Variants in ATXN2 observed in about 807,000 individuals in gnomAD.
The protein encoded by ATXN2 is ataxin 2.
Under a neutral mutation model 138.6 loss-of-function variants are expected in ATXN2, and 37 were observed. That is an observed-to-expected ratio of 0.27 (90% CI 0.21 to 0.35). The LOEUF (loss-of-function observed/expected upper bound fraction) is 0.35, where lower values mean the gene tolerates loss of function less well. ATXN2 is among the 10% of genes least tolerant of loss of function. ATXN2 has a pLI of 1.00. For synonymous variants in ATXN2, 549 were observed against 543.7 expected, an observed-to-expected ratio of 1.01 and a Z score of -0.13; for missense variants, 1,216 against 1,480.3, an observed-to-expected ratio of 0.82 and a Z score of 2.93.
At chr12:111,504,631 A>C (rs1460797414) in intron 14 of ATXN2, among the ~76,000 whole-genome samples, 1 of 152,144 alleles carries the variant, frequency 6.6e-6, no homozygotes, top group Non-Finnish European at 1.5e-5. Context: ...GGGACAACTA[A>C]TACCTACATA....
At chr12:111,588,300 T>C (rs1884448281) in intron 1 of ATXN2, among the ~76,000 whole-genome samples, 1 of 152,154 alleles carries the variant, frequency 6.6e-6, no homozygotes. Flanking sequence ...AATCTTTAAA[T>C]GTTAATGAGA....
chr12:111,532,423 T>C (rs747727939), intron 5 of ATXN2, among the ~76,000 whole-genome samples: 2 of 152,144 alleles, frequency 1.3e-5, no homozygotes, highest in Non-Finnish European at 2.9e-5. Flanking sequence ...GAGGTTGCAA[T>C]GGGCTGAGAC....
At chr12:111,470,077 C>T in intron 20 of ATXN2, 31 bp downstream of exon 20, 1 of 1,607,042 alleles carries the variant, frequency 6.2e-7, no homozygotes, top group Non-Finnish European at 8.5e-7. Context: ...GAGTCACACA[C>T]ACTGGAAGAG....
At chr12:111,455,635 G>A (rs1875026152) in intron 23 of ATXN2, 6 of 324,244 alleles carry the variant, frequency 1.9e-5, no homozygotes, top group South Asian at 1.6e-4. Flanking sequence ...TCGGAGAGCT[G>A]AGACTCTGTG....
intron 1 of ATXN2, among the ~76,000 whole-genome samples, chr12:111,592,354 G>T (rs1274924267): frequency 6.6e-6 from 1 of 152,026 alleles, no homozygotes; most frequent in African/African-American, 2.4e-5. Context: ...TCACGCCACT[G>T]CACTCCAGCC....
At chr12:111,568,090 C>G (rs1345800982) in intron 1 of ATXN2, among the ~76,000 whole-genome samples, 1 of 151,694 alleles carries the variant, frequency 6.6e-6, no homozygotes, top group East Asian at 1.9e-4. Context: ...GTGAAATCCC[C>G]TCTCAAATAA....
At chr12:111,570,468 CTG>C (rs1405892736) in intron 1 of ATXN2, among the ~76,000 whole-genome samples, 3 of 152,224 alleles carry the variant, frequency 2.0e-5, no homozygotes, top group Non-Finnish European at 2.9e-5. Context: ...CATTTTCTAA[CTG>C]AAACATATTC....
At chr12:111,535,394 G>A (rs969277659) in intron 5 of ATXN2, among the ~76,000 whole-genome samples, 1 of 152,072 alleles carries the variant, frequency 6.6e-6, no homozygotes, top group Admixed American at 6.6e-5. Context: ...GGAGCCCAAG[G>A]CAGGTGGATC....
chr12:111,487,295 C>G (rs1471231331), intron 15 of ATXN2, among the ~76,000 whole-genome samples: 2 of 151,826 alleles, frequency 1.3e-5, no homozygotes, highest in African/African-American at 4.8e-5. Context: ...CCATTTTGGC[C>G]ACGCTGACCT....
Position 111,453,873 on chromosome 12 carries a change from C to G in ATXN2, c.3271-28G>C, listed in dbSNP as rs752406937. On this transcript the variant is annotated intron_variant, in intron 23 of 24. Coordinates refer to ENST00000673436, the MANE Select transcript of ATXN2 (RefSeq NM_001372574.1). This position sits in a 1 kb window ranked among gnomAD's most constrained non-coding sequence, Gnocchi z 5.4. ...GAAACAGAGAGCTCTTTTACGCATA[C>G]AGGCAACATCTCCGGCTTCAACAAC... 1 of 1,578,724 alleles carries G rather than the reference C, an allele frequency of 6.3e-7. No individual in the cohort carries two copies. Among genetic ancestry groups the G allele is most frequent in the Non-Finnish European group, 8.6e-7 (1 of 1,158,604 alleles).
chr12:111,465,206 G>C (rs1875903198), intron 20 of ATXN2, among the ~76,000 whole-genome samples: 1 of 151,830 alleles, frequency 6.6e-6, no homozygotes, highest in Admixed American at 6.6e-5. Context: ...AAGGGGTAGG[G>C]TATTTGAGTG....
intron 3 of ATXN2, among the ~76,000 whole-genome samples, chr12:111,553,601 A>AT (rs1882236116): frequency 1.2e-5 from 1 of 83,906 alleles, no homozygotes; most frequent in African/African-American, 2.0e-4. Flanking sequence ...AAAAAAAAAA[A>AT]AAATTTTTTT....
At chr12:111,470,835 C>G (rs1441780370) in intron 18 of ATXN2, 93 bp from the exon 19 acceptor site, 2 of 1,355,902 alleles carry the variant, frequency 1.5e-6, no homozygotes, top group Non-Finnish European at 2.0e-6. Context: ...ATGATTTGAC[C>G]CTGAATCTGC....
chr12:111,552,770 C>A lies in ATXN2; in HGVS notation c.420+136G>T. ...ACATCAAGAAGCCTCTCTGATTACA[C>A]AAACCAGTCTATAAAATAATCAGTA... On this transcript the variant is annotated intron_variant, in intron 4 of 24. Transcript: ENST00000673436. This position sits in a 1 kb window ranked among gnomAD's most constrained non-coding sequence, Gnocchi z 4.1. 1 of 629,414 alleles carries A rather than the reference C, an allele frequency of 1.6e-6. No homozygotes were observed. Among genetic ancestry groups the A allele is most frequent in the Non-Finnish European group, 2.6e-6 (1 of 381,074 alleles). The allele number at this position is 629,414 out of a possible 1,614,324, so 39.0% of individuals were successfully genotyped here.
intron 18 of ATXN2, among the ~76,000 whole-genome samples, chr12:111,483,041 G>C (rs930599948): frequency 4.0e-5 from 6 of 151,856 alleles, no homozygotes; most frequent in Admixed American, 2.0e-4. Context: ...ACAAAAATTA[G>C]CTAGGTGTGG....
At chr12:111,564,210 T>G (rs1164233416) in intron 1 of ATXN2, among the ~76,000 whole-genome samples, 1 of 152,132 alleles carries the variant, frequency 6.6e-6, no homozygotes. Flanking sequence ...CAACCAAGCT[T>G]GGCAAAAGTA....
chr12:111,588,991 C>CAAAAAAAAAAAAAAAAAAAAAAA (rs58116265), intron 1 of ATXN2, among the ~76,000 whole-genome samples: 1 of 38,708 alleles, frequency 2.6e-5, no homozygotes, highest in East Asian at 1.9e-3. Flanking sequence ...CGAGATTTCT[C>CAAAAAAAAAAAAAAAAAAAAAAA]AAAAAAAAAA....
chr12:111,483,137 T>C (rs1877367074), intron 18 of ATXN2, among the ~76,000 whole-genome samples: 1 of 149,596 alleles, frequency 6.7e-6, no homozygotes, highest in African/African-American at 2.5e-5. Context: ...CATTGAGCCA[T>C]GATAGCGCCA....
At chr12:111,522,613 A>C (rs1235121984) in intron 6 of ATXN2, among the ~76,000 whole-genome samples, 1 of 151,676 alleles carries the variant, frequency 6.6e-6, no homozygotes, top group Admixed American at 6.6e-5. Flanking sequence ...CCATCTTAAA[A>C]GAAAAAAAAA....
Sources: gnomAD v4.1 joint callset for allele counts (sites outside exome capture counted in the v4.1 genomes callset) on GRCh38, gnomAD v4.1.1 for gene constraint, Gnocchi (gnomAD v3.1) non-coding constraint, MANE v1.5 for transcripts, NCBI Gene and HGNC (gene_info 2026-07-23, HGNC 2026-07-21) for gene names.